The following EXOC2 variants were observed in gnomAD, a reference collection of about 807,000 sequenced individuals.
EXOC2 encodes the protein SEC5-like 1.
EXOC2 carries 70 observed loss-of-function variants against 131.8 expected under a neutral mutation model. The observed-to-expected ratio is 0.53, with a 90% CI of 0.44 to 0.65. The LOEUF is 0.65. Ranked by LOEUF, EXOC2 falls within the 30% of genes least tolerant of loss-of-function variation. The pLI is 0.00. For synonymous variants in EXOC2, 411 were observed against 398.4 expected (o/e 1.03, Z -0.38); for missense variants, 923 against 1,108.6 (o/e 0.83, Z 2.38).
chr6:609,279 G>A (rs1462518270), intron 7 of EXOC2, among the ~76,000 whole-genome samples: 1 of 152,112 alleles, frequency 6.6e-6, no homozygotes, highest in East Asian at 1.9e-4. Context: ...TTAAAGATCT[G>A]GTGTGAGGTT....
chr6:556,318 G>A (rs536082333), intron 18 of EXOC2, among the ~76,000 whole-genome samples, 166 bp downstream of exon 18: 3 of 152,100 alleles, frequency 2.0e-5, no homozygotes, highest in East Asian at 1.9e-4. Context: ...AACTTGCATC[G>A]GCCTGGCTTG....
At position 693,048 on chromosome 6, in the gene EXOC2, G is replaced by C. The variant is rs1485488626; in HGVS notation, c.-73C>G. On this transcript the variant is annotated 5_prime_UTR_variant, in exon 1 of 28. Coordinates refer to ENST00000230449, the MANE Select transcript of EXOC2 (RefSeq NM_018303.6). The stretch of plus-strand genomic sequence containing the variant: ...AGCCGTCCTGCCGCAGCTCACGGCC[G>C]GCACAGACAGGGCCCGGTAGGTCTC... 6.6e-6 allele frequency: 1 copy of C among 152,500 alleles called. No homozygotes were observed. Among genetic ancestry groups the C allele is most frequent in the Non-Finnish European group, 1.5e-5 (1 of 68,262 alleles). 9.4% of individuals were successfully genotyped at this position (152,500 alleles called of 1,614,324 possible).
chr6:522,470 G>A (rs1458340645), intron 23 of EXOC2, among the ~76,000 whole-genome samples: 4 of 151,334 alleles, frequency 2.6e-5, no homozygotes, highest in African/African-American at 9.7e-5. Flanking sequence ...GGTCCATGCG[G>A]ACTGCAGGAC....
Position 532,455 on chromosome 6 carries a change from A to T in EXOC2, c.2380+14T>A. ...TATATCCACATCTATTACTCAAGAA[A>T]CTTTATTACTTACCTGTTGGAGGCA... is the stretch of plus-strand genomic sequence containing the variant. On this transcript the variant is annotated intron_variant, in intron 23 of 27. Transcript: ENST00000230449. The T allele has an allele frequency of 6.5e-7, 1 of 1,543,818 alleles. No individual in the cohort carries two copies. The highest frequency in any genetic ancestry group is 2.4e-5 in the East Asian group (1 of 42,154).
At chr6:671,926 AT>A (rs920350907) in intron 1 of EXOC2, among the ~76,000 whole-genome samples, 1 of 151,800 alleles carries the variant, frequency 6.6e-6, no homozygotes, top group Non-Finnish European at 1.5e-5. Context: ...TTATTTATTT[AT>A]TTTTTGGTAC....
At chr6:495,810 G>A (rs1763699635) in intron 25 of EXOC2, among the ~76,000 whole-genome samples, 1 of 152,118 alleles carries the variant, frequency 6.6e-6, no homozygotes, top group Admixed American at 6.5e-5. Context: ...TGTGGCTGAT[G>A]GGTCATTCTT....
At chr6:636,192 G>C (rs1342308112) in intron 2 of EXOC2, among the ~76,000 whole-genome samples, 1 of 152,250 alleles carries the variant, frequency 6.6e-6, no homozygotes, top group Non-Finnish European at 1.5e-5. Context: ...CACAATGACT[G>C]CCAGCGAAAA....
At chr6:499,512 C>A (rs1763924747) in intron 24 of EXOC2, 133 bp downstream of exon 24, 4 of 665,794 alleles carry the variant, frequency 6.0e-6, no homozygotes, top group Non-Finnish European at 1.0e-5. Context: ...AAGAGCTGAA[C>A]TGTATCTTAT....
intron 1 of EXOC2, among the ~76,000 whole-genome samples, chr6:640,089 C>T (rs1220119566): frequency 6.6e-6 from 1 of 152,176 alleles, no homozygotes; most frequent in Non-Finnish European, 1.5e-5. Context: ...CCCATCTGGG[C>T]TCCAGGTGTA....
intron 23 of EXOC2, among the ~76,000 whole-genome samples, chr6:524,549 G>A (rs1327438470): frequency 1.3e-5 from 2 of 152,048 alleles, no homozygotes; most frequent in Non-Finnish European, 2.9e-5. Context: ...TCCTTGTAAT[G>A]TTCTTGTCAC....
In EXOC2 at chr6:553,868, A is replaced by G. The variant is rs771216657; in HGVS notation, c.2107T>C (p.Phe703Leu). The part of the protein sequence containing the change: ...PDLFGSIHED[F>L]SLTSEQRLLI... Reference sequence around the variant, plus strand: ...GTCTGACTTACTGAGGTCAAGCTGAAGTCTTCATGGATACTTCCAAACAAG... The same window carrying G: ...GTCTGACTTACTGAGGTCAAGCTGAGGTCTTCATGGATACTTCCAAACAAG... The change falls in exon 21 of 28, where the codon TTC becomes CTC. Residue 703 changes from phenylalanine (F) to leucine (L), a missense_variant. Coordinates refer to ENST00000230449, the MANE Select transcript of EXOC2 (RefSeq NM_018303.6). 1.2e-6 allele frequency: 2 copies of G among 1,613,872 alleles called. No individual in the cohort carries two copies. Among genetic ancestry groups the G allele is most frequent in the African/African-American group, 2.7e-5 (2 of 74,916 alleles).
At chr6:499,317 C>CTTAG (rs1763906604) in intron 24 of EXOC2, among the ~76,000 whole-genome samples, 1 of 152,130 alleles carries the variant, frequency 6.6e-6, no homozygotes, top group African/African-American at 2.4e-5. Context: ...AAGGGATTTA[C>CTTAG]TATTCTTTGA....
At position 657,744 on chromosome 6, in the gene EXOC2, A is replaced by G. The variant is rs1322134852; in HGVS notation, c.-43-19883T>C. The stretch of plus-strand genomic sequence containing the variant: ...ACACTGGGTAGTAGCAATCTGTTTT[A>G]CCTGTAGCACTCTGGCAGGCAAAAA... On this transcript the variant is annotated intron_variant, in intron 1 of 27. Coordinates refer to ENST00000230449, the MANE Select transcript of EXOC2 (RefSeq NM_018303.6). 2.1e-5 allele frequency among the ~76,000 whole-genome samples: 3 copies of G among 142,426 alleles called. No homozygotes were observed. In the East Asian group the frequency reaches 6.3e-4, roughly 30 times the overall value. 93.4% of individuals were successfully genotyped at this position (142,426 alleles called of 152,430 possible).
intron 6 of EXOC2, among the ~76,000 whole-genome samples, chr6:615,041 G>A (rs1376841588): frequency 6.6e-6 from 1 of 151,430 alleles, no homozygotes; most frequent in Non-Finnish European, 1.5e-5. Context: ...ATAACGAAAG[G>A]GCCTATAACA....
At chr6:578,086 T>A (rs934424252) in intron 11 of EXOC2, among the ~76,000 whole-genome samples, 2 of 152,212 alleles carry the variant, frequency 1.3e-5, no homozygotes, top group African/African-American at 2.4e-5. Context: ...TATATCTCCA[T>A]GTTCCCCACA....
chr6:547,967 A>G (rs571328787), intron 22 of EXOC2, among the ~76,000 whole-genome samples: 1 of 152,356 alleles, frequency 6.6e-6, no homozygotes, highest in African/African-American at 2.4e-5. Flanking sequence ...CTTCTTTTAC[A>G]TGCAATTCCT....
chr6:641,964 G>A (rs1185992191), intron 1 of EXOC2, among the ~76,000 whole-genome samples: 1 of 152,042 alleles, frequency 6.6e-6, no homozygotes, highest in African/African-American at 2.4e-5. Context: ...TTTGTGGTCT[G>A]CACAGCCCAC....
At chr6:652,784 A>G (rs939161985) in intron 1 of EXOC2, among the ~76,000 whole-genome samples, 6 of 152,160 alleles carry the variant, frequency 3.9e-5, no homozygotes, top group African/African-American at 1.4e-4. Context: ...GTTAACATGA[A>G]CTTGACTACA....
At chr6:512,364 G>A (rs138606107) in intron 23 of EXOC2, among the ~76,000 whole-genome samples, 2 of 152,364 alleles carry the variant, frequency 1.3e-5, no homozygotes, top group African/African-American at 4.8e-5. Flanking sequence ...AGATGAGGAT[G>A]AAGACCTTTA....
Sources: gnomAD v4.1 joint callset for allele counts (sites outside exome capture counted in the v4.1 genomes callset) on GRCh38, gnomAD v4.1.1 for gene constraint, MANE v1.5 for transcripts, NCBI Gene and HGNC (gene_info 2026-07-23, HGNC 2026-07-21) for gene names.